Variants in MEGF10 observed in about 807,000 individuals in gnomAD.
The protein encoded by MEGF10 is multiple epidermal growth factor-like domains protein 10.
In MEGF10, 86 loss-of-function variants were observed where a neutral mutation model predicts 147.5. That is an observed-to-expected ratio of 0.58 (90% CI 0.49 to 0.70). The LOEUF is 0.70. MEGF10 is among the 30% of genes least tolerant of loss of function. The pLI, the probability that MEGF10 is intolerant of heterozygous loss-of-function variation, is 0.00. For missense variants in MEGF10, 1,329 were observed against 1,487.3 expected (o/e 0.89, Z 1.75); for synonymous variants, 478 against 525.5 (o/e 0.91, Z 1.24).
the MEGF10 span, among the ~76,000 whole-genome samples, chr5:127,254,627 A>G: frequency 6.6e-6 from 1 of 151,928 alleles, no homozygotes; most frequent in Admixed American, 6.6e-5. Context: ...CCTGGCAAAC[A>G]TGGCGAAACC....
At chr5:127,249,021 A>G in the MEGF10 span, among the ~76,000 whole-genome samples, 1 of 152,060 alleles carries the variant, frequency 6.6e-6, no homozygotes, top group Non-Finnish European at 1.5e-5. Flanking sequence ...TATAGGAAGG[A>G]ATGAAGATCA....
chr5:127,386,582 C>T (rs1181714007), intron 5 of MEGF10, among the ~76,000 whole-genome samples: 1 of 152,212 alleles, frequency 6.6e-6, no homozygotes, highest in African/African-American at 2.4e-5. Context: ...GGTTTCCTTG[C>T]AGGCCTGAAC....
At position 127,402,620 on chromosome 5, in the gene MEGF10, T is replaced by A; in HGVS notation, c.855T>A (p.Asn285Lys). ...KNCSQECQCH[N>K]GGTCDAATGQ... Reference sequence around the variant, plus strand: ...GTTCCCAAGAATGCCAGTGCCATAATGGAGGGACGTGTGATGCTGCCACAG... The same window carrying A: ...GTTCCCAAGAATGCCAGTGCCATAAAGGAGGGACGTGTGATGCTGCCACAG... Residue 285 changes from asparagine (N) to lysine (K), a missense_variant, in exon 8 of 25, where the codon AAT (asparagine) becomes AAA (lysine). Physicochemically the swap from Asn to Lys is moderately conservative, Grantham distance 94. Coordinates refer to ENST00000503335, the MANE Select transcript of MEGF10 (RefSeq NM_001256545.2). 1 of 1,614,114 alleles carries A rather than the reference T, an allele frequency of 6.2e-7. No individual in the cohort carries two copies. The highest frequency in any genetic ancestry group is 8.5e-7 in the Non-Finnish European group (1 of 1,180,008).
intron 23 of MEGF10, among the ~76,000 whole-genome samples, chr5:127,454,928 G>T (rs1766301442): frequency 6.6e-6 from 1 of 152,144 alleles, no homozygotes; most frequent in South Asian, 2.1e-4. Context: ...AATAAGAAAA[G>T]ATCCACATGG....
chr5:127,392,667 A>T (rs755190487), intron 5 of MEGF10, among the ~76,000 whole-genome samples: 3 of 152,220 alleles, frequency 2.0e-5, no homozygotes, highest in Non-Finnish European at 4.4e-5. Flanking sequence ...AATGAACTTC[A>T]GTACCCAGCC....
intron 21 of MEGF10, 88 bp from the exon 22 acceptor site, chr5:127,449,011 T>C: frequency 2.0e-6 from 3 of 1,536,842 alleles, no homozygotes; most frequent in Non-Finnish European, 2.6e-6. Context: ...CCTCAATATG[T>C]GCCCTGGACT....
At chr5:127,399,016 T>A (rs1764030048) in intron 7 of MEGF10, among the ~76,000 whole-genome samples, 1 of 152,190 alleles carries the variant, frequency 6.6e-6, no homozygotes, top group Non-Finnish European at 1.5e-5. Context: ...GCATTGAAGG[T>A]TGTCATGTAA....
chr5:127,239,097 T>C, the MEGF10 span, among the ~76,000 whole-genome samples: 1 of 151,998 alleles, frequency 6.6e-6, no homozygotes, highest in African/African-American at 2.4e-5. Context: ...GCAAAGCCGC[T>C]GGCCAGGACC....
At chr5:127,271,937 T>C in the MEGF10 span, among the ~76,000 whole-genome samples, 92 of 152,344 alleles carry the variant, frequency 6.0e-4, no homozygotes, top group African/African-American at 2.2e-3. Context: ...TTTAATTAGA[T>C]CCCATTGGTC....
chr5:127,432,090 G>T (rs1765401483), intron 13 of MEGF10, among the ~76,000 whole-genome samples: 1 of 152,108 alleles, frequency 6.6e-6, no homozygotes, highest in Non-Finnish European at 1.5e-5. Context: ...TTCAGCCCAT[G>T]GTCCGAATGA....
the MEGF10 span, among the ~76,000 whole-genome samples, chr5:127,276,004 G>T: frequency 6.6e-6 from 1 of 152,178 alleles, no homozygotes; most frequent in Non-Finnish European, 1.5e-5. Context: ...CAGCCCAAAG[G>T]GTAGTAGGGG....
intron 13 of MEGF10, among the ~76,000 whole-genome samples, chr5:127,428,859 T>A (rs1765296626): frequency 6.6e-6 from 1 of 152,238 alleles, no homozygotes; most frequent in Non-Finnish European, 1.5e-5. Context: ...AAATGCCCAG[T>A]GAATGCTGAT....
At chr5:127,301,719 T>C (rs574854019) in intron 1 of MEGF10, among the ~76,000 whole-genome samples, 2 of 152,318 alleles carry the variant, frequency 1.3e-5, no homozygotes, top group Admixed American at 1.3e-4. Flanking sequence ...GAAAAGATAA[T>C]AGCATATACT....
chr5:127,403,382 G>A (rs1226587195), intron 8 of MEGF10, among the ~76,000 whole-genome samples: 1 of 152,194 alleles, frequency 6.6e-6, no homozygotes, highest in East Asian at 1.9e-4. Flanking sequence ...TGTGAACTAA[G>A]CACATTATGC....
chr5:127,410,474 G>T lies in MEGF10; in HGVS notation c.1003G>T (p.Val335Leu), dbSNP rs199600155. 6.2e-7 allele frequency: 1 copy of T among 1,614,210 alleles called. No individual in the cohort carries two copies. The change falls in exon 9 of 25, where the codon GTG becomes TTG. Residue 335 changes from valine (V) to leucine (L), a missense_variant. Coordinates refer to ENST00000503335, the MANE Select transcript of MEGF10 (RefSeq NM_001256545.2). The stretch of plus-strand genomic sequence containing the variant: ...TGTCAACGGAGGGAAGTGTTACCAC[G>T]TGAGCGGCGCATGCCTCTGTGAAGC... Reference protein sequence around the residue: ...QCVNGGKCYHVSGACLCEAGF... With the variant: ...QCVNGGKCYHLSGACLCEAGF...
rs139352697 is a variant in MEGF10 at position 127,326,400 on chromosome 5, G to C, written c.-18-4891G>C. On this transcript the variant is annotated intron_variant, in intron 1 of 24. Transcript: ENST00000503335. ...TGTTTGAAATGAATAGTCATACCTG[G>C]ATAATATGTTATTAGAATAACTAGC... is the stretch of plus-strand genomic sequence containing the variant. 1.4e-3 allele frequency among the ~76,000 whole-genome samples: 210 copies of C among 152,216 alleles called. 1 individual carries two copies. Among genetic ancestry groups the C allele is most frequent in the Admixed American group, 3.7e-3 (56 of 15,264 alleles).
At chr5:127,289,988 T>C (rs929306486), upstream of MEGF10, among the ~76,000 whole-genome samples, 1 of 152,166 alleles carries the variant, frequency 6.6e-6, no homozygotes, top group African/African-American at 2.4e-5. Context: ...AAGAGGAAGA[T>C]GGACAGTCAG....
intron 5 of MEGF10, among the ~76,000 whole-genome samples, chr5:127,385,308 T>C (rs974110392): frequency 3.9e-5 from 6 of 152,212 alleles, no homozygotes; most frequent in Admixed American, 3.9e-4. Context: ...TTTATAATTT[T>C]TTTTTTTTGA....
chr5:127,396,900 C>A, intron 6 of MEGF10, 122 bp downstream of exon 6: 1 of 1,409,008 alleles, frequency 7.1e-7, no homozygotes, highest in Non-Finnish European at 9.6e-7. Flanking sequence ...ACTGATGGGT[C>A]TAGGCTGCAG....
Sources: gnomAD v4.1 joint callset for allele counts (sites outside exome capture counted in the v4.1 genomes callset) on GRCh38, gnomAD v4.1.1 for gene constraint, MANE v1.5 for transcripts, NCBI Gene and HGNC (gene_info 2026-07-23, HGNC 2026-07-21) for gene names.